DDX10: variants seen among roughly 807,000 people sequenced by gnomAD.
DDX10 encodes the protein probable ATP-dependent RNA helicase DDX10.
In DDX10, 74 loss-of-function variants were observed where a neutral mutation model predicts 104.3. The ratio of observed to expected loss-of-function variants is 0.71; its 90% CI spans 0.59 to 0.86. The LOEUF is 0.86. DDX10 is among the 40% of genes least tolerant of loss of function. The probability of loss-of-function intolerance (pLI) is 0.00; values close to 1 mark genes in which losing one functional copy is unlikely to be tolerated. For missense variants in DDX10, 952 were observed against 1,040.0 expected, an observed-to-expected ratio of 0.92 and a Z score of 1.16; for synonymous variants, 351 against 353.4, an observed-to-expected ratio of 0.99 and a Z score of 0.08.
intron 6 of DDX10, among the ~76,000 whole-genome samples, chr11:108,681,028 A>C (rs184730590): frequency 5.3e-5 from 8 of 152,266 alleles, no homozygotes; most frequent in African/African-American, 1.7e-4. Flanking sequence ...GTGACAATTA[A>C]CAATTAACTT....
chr11:108,934,431 C>T, intron 17 of DDX10, among the ~76,000 whole-genome samples: 1 of 152,068 alleles, frequency 6.6e-6, no homozygotes, highest in Non-Finnish European at 1.5e-5. Context: ...AAACCCTAGG[C>T]TAAAATGCAT....
chr11:108,763,286 T>C (rs942102009), intron 13 of DDX10, among the ~76,000 whole-genome samples: 1 of 152,198 alleles, frequency 6.6e-6, no homozygotes, highest in Non-Finnish European at 1.5e-5. Flanking sequence ...ATTGCTGTCT[T>C]AATTTCATAG....
rs570190778 is a variant in DDX10, at chr11:108,858,729, G to T, written c.2304+6520G>T. On this transcript the variant is annotated intron_variant, in intron 16 of 17. Coordinates refer to ENST00000322536, the MANE Select transcript of DDX10 (RefSeq NM_004398.4). ...AGAATTTAATAAATTCTTAAAGGAT[G>T]AGTTGTCCTAAGATGTGCATATTGA... Among the ~76,000 whole-genome samples, 5 of 152,320 alleles carry T rather than the reference G, an allele frequency of 3.3e-5. No homozygotes were observed. In the South Asian group the frequency reaches 1.0e-3, roughly 32 times the overall value.
chr11:108,697,423 TATA>T (rs552084660), intron 9 of DDX10, among the ~76,000 whole-genome samples: 11 of 152,308 alleles, frequency 7.2e-5, no homozygotes, highest in African/African-American at 2.6e-4. Context: ...GCAATTGAAC[TATA>T]ATATATCGAT....
At chr11:108,889,448 C>T (rs184109579) in intron 16 of DDX10, among the ~76,000 whole-genome samples, 283 of 152,078 alleles carry the variant, frequency 1.9e-3, no homozygotes, top group African/African-American at 6.3e-3. Flanking sequence ...AATAATAAAA[C>T]CTTTAAAACT....
At chr11:108,891,728 G>A (rs1462927155) in intron 16 of DDX10, among the ~76,000 whole-genome samples, 8 of 152,062 alleles carry the variant, frequency 5.3e-5, no homozygotes, top group Admixed American at 3.3e-4. Flanking sequence ...TATGCTACAC[G>A]TATAAAATTG....
intron 16 of DDX10, among the ~76,000 whole-genome samples, chr11:108,914,546 C>T (rs1231987436): frequency 6.6e-6 from 1 of 152,118 alleles, no homozygotes; most frequent in African/African-American, 2.4e-5. Context: ...AGGCAAAGTA[C>T]CTGCCTGTTA....
intron 16 of DDX10, among the ~76,000 whole-genome samples, chr11:108,897,317 C>T (rs942961664): frequency 3.3e-5 from 5 of 152,080 alleles, no homozygotes; most frequent in Admixed American, 3.3e-4. Flanking sequence ...CACACAAAGG[C>T]CTGACAACTG....
chr11:108,861,361 G>T (rs1320990817), intron 16 of DDX10, among the ~76,000 whole-genome samples: 1 of 152,092 alleles, frequency 6.6e-6, no homozygotes, highest in Admixed American at 6.5e-5. Context: ...GTTTGGACGG[G>T]TGAGTGTGTT....
chr11:108,806,056 G>C (rs1160292665), intron 13 of DDX10, among the ~76,000 whole-genome samples: 1 of 152,048 alleles, frequency 6.6e-6, no homozygotes, highest in Non-Finnish European at 1.5e-5. Flanking sequence ...ACGCCTCCTG[G>C]GTTCAAGCAT....
chr11:108,933,184 A>G (rs1375156068), intron 17 of DDX10, among the ~76,000 whole-genome samples: 2 of 151,988 alleles, frequency 1.3e-5, no homozygotes, highest in African/African-American at 4.8e-5. Flanking sequence ...ATGGAAAGTT[A>G]TTAAGAAGGA....
At chr11:108,707,422 C>G (rs1006398908) in intron 10 of DDX10, among the ~76,000 whole-genome samples, 1 of 152,128 alleles carries the variant, frequency 6.6e-6, no homozygotes, top group Non-Finnish European at 1.5e-5. Context: ...TTTAAGTTTC[C>G]TCCATGTCTT....
intron 11 of DDX10, among the ~76,000 whole-genome samples, chr11:108,717,458 C>T (rs755768248): frequency 3.9e-5 from 6 of 151,980 alleles, no homozygotes; most frequent in South Asian, 2.1e-4. Context: ...TACAGGCATG[C>T]GCCACCACAC....
At chr11:108,760,148 A>T (rs1452496052) in intron 13 of DDX10, among the ~76,000 whole-genome samples, 1 of 151,406 alleles carries the variant, frequency 6.6e-6, no homozygotes, top group African/African-American at 2.4e-5. Flanking sequence ...TGTTTTCTGT[A>T]TGGTGTACGT....
At chr11:108,804,049 G>A (rs757659534) in intron 13 of DDX10, among the ~76,000 whole-genome samples, 2 of 152,110 alleles carry the variant, frequency 1.3e-5, no homozygotes, top group Non-Finnish European at 2.9e-5. Context: ...GTTATCATAG[G>A]TTTGAAATGT....
At chr11:108,883,864 G>A (rs944273380) in intron 16 of DDX10, among the ~76,000 whole-genome samples, 5 of 152,060 alleles carry the variant, frequency 3.3e-5, no homozygotes. Context: ...AGGATATAAA[G>A]TTCTCCTGAT....
chr11:108,695,079 G>A (rs1400626628), intron 9 of DDX10, among the ~76,000 whole-genome samples: 1 of 152,152 alleles, frequency 6.6e-6, no homozygotes, highest in African/African-American at 2.4e-5. Flanking sequence ...ATAGCATATG[G>A]TAATACTTAT....
chr11:108,859,246 C>G (rs1481427714), intron 16 of DDX10, among the ~76,000 whole-genome samples: 1 of 152,122 alleles, frequency 6.6e-6, no homozygotes, highest in African/African-American at 2.4e-5. Context: ...ACAAGTCAAA[C>G]CTTTTACACT....
At chr11:108,903,930 A>G (rs1003705443) in intron 16 of DDX10, among the ~76,000 whole-genome samples, 4 of 152,164 alleles carry the variant, frequency 2.6e-5, no homozygotes, top group African/African-American at 9.7e-5. Flanking sequence ...TCTCTTGGGT[A>G]TATACCTAGG....
Sources: allele counts gnomAD v4.1 joint callset (sites outside exome capture counted in the v4.1 genomes callset), GRCh38; gene constraint gnomAD v4.1.1; transcripts MANE v1.5; gene names NCBI Gene and HGNC (gene_info 2026-07-23, HGNC 2026-07-21).